SIPA1L2: variants seen among roughly 807,000 people sequenced by gnomAD.
The protein encoded by SIPA1L2 is signal induced proliferation associated 1 like 2.
A neutral mutation model predicts 163.9 loss-of-function variants in SIPA1L2; 56 were observed. The observed-to-expected ratio is 0.34, with a 90% CI of 0.28 to 0.43. The LOEUF is 0.43. SIPA1L2 is among the 20% of genes least tolerant of loss of function. The probability of loss-of-function intolerance (pLI) is 1.00; values close to 1 mark genes in which losing one functional copy is unlikely to be tolerated. For missense variants in SIPA1L2, 1,974 were observed against 2,193.5 expected, an observed-to-expected ratio of 0.90 and a Z score of 2.00; for synonymous variants, 877 against 865.7, an observed-to-expected ratio of 1.01 and a Z score of -0.23.
intron 3 of SIPA1L2, among the ~76,000 whole-genome samples, chr1:232,504,899 C>T (rs1666657302): frequency 6.6e-6 from 1 of 152,112 alleles, no homozygotes; most frequent in Non-Finnish European, 1.5e-5. Context: ...CCAGACAGTC[C>T]GGCTCTAGTG....
chr1:232,611,853 T>TA lies in SIPA1L2; in HGVS notation c.-319+18015dup, dbSNP rs376251975. 3.8e-3 allele frequency among the ~76,000 whole-genome samples: 586 copies of TA among 152,338 alleles called. 5 individuals are homozygous for TA. The highest frequency in any genetic ancestry group is 0.012 in the African/African-American group (516 of 41,572). ...GCATAAATAATGAGGAGCCAACTGT[T>TA]ATCCCCAAGACAATGGGGAAAATGT... is the stretch of plus-strand genomic sequence containing the variant. On this transcript the variant is annotated intron_variant, in intron 1 of 22. Coordinates refer to ENST00000674635, the MANE Select transcript of SIPA1L2 (RefSeq NM_020808.5).
intron 8 of SIPA1L2, among the ~76,000 whole-genome samples, chr1:232,469,855 G>A (rs1030454623): frequency 6.7e-6 from 1 of 148,732 alleles, no homozygotes; most frequent in Non-Finnish European, 1.5e-5. Context: ...ATTAAACAGA[G>A]TTGTTTAATT....
intron 1 of SIPA1L2, among the ~76,000 whole-genome samples, chr1:232,597,587 G>A (rs975836402): frequency 2.6e-5 from 4 of 151,238 alleles, no homozygotes; most frequent in Admixed American, 2.6e-4. Context: ...CTACTCAGGA[G>A]GCTGAGGCAG....
chr1:232,580,390 G>C (rs895251770), intron 1 of SIPA1L2, among the ~76,000 whole-genome samples: 3 of 152,074 alleles, frequency 2.0e-5, no homozygotes, highest in African/African-American at 4.8e-5. Context: ...TATATCTTGC[G>C]CTGACCTCCT....
intron 1 of SIPA1L2, among the ~76,000 whole-genome samples, chr1:232,625,659 G>C (rs1214301939): frequency 6.6e-5 from 10 of 152,126 alleles, no homozygotes. Context: ...TCATGTTCAC[G>C]GGTCACGTTA....
intron 2 of SIPA1L2, among the ~76,000 whole-genome samples, chr1:232,540,727 G>A (rs775372504): frequency 2.0e-5 from 3 of 152,014 alleles, no homozygotes; most frequent in Non-Finnish European, 4.4e-5. Flanking sequence ...GCAAATGCAA[G>A]AGAGAGAGAG....
chr1:232,502,065 C>T (rs1183936791), intron 3 of SIPA1L2, among the ~76,000 whole-genome samples: 1 of 152,194 alleles, frequency 6.6e-6, no homozygotes, highest in Non-Finnish European at 1.5e-5. Flanking sequence ...GTCTCAAACC[C>T]ATTTACTGTG....
chr1:232,426,552 A>C (rs534874205), intron 17 of SIPA1L2, among the ~76,000 whole-genome samples: 39 of 152,164 alleles, frequency 2.6e-4, no homozygotes, highest in African/African-American at 9.4e-4. Context: ...CCCAGCCACT[A>C]GGGAGGCTGA....
chr1:232,531,999 G>A (rs1558249530), intron 2 of SIPA1L2, among the ~76,000 whole-genome samples: 2 of 152,188 alleles, frequency 1.3e-5, no homozygotes, highest in African/African-American at 2.4e-5. Flanking sequence ...ATGGGCCACA[G>A]GAAGGATTTG....
rs1240554116 is a variant in SIPA1L2 at position 232,399,117 on chromosome 1, T to C, written c.*10A>G. 2 of 1,614,084 alleles carry C rather than the reference T, an allele frequency of 1.2e-6. No homozygotes were observed. Among genetic ancestry groups the C allele is most frequent in the Non-Finnish European group, 1.7e-6 (2 of 1,180,010 alleles). On this transcript the variant is annotated 3_prime_UTR_variant, in exon 23 of 23. Transcript: ENST00000674635. The stretch of plus-strand genomic sequence containing the variant: ...ATTTCCCAGTGGTCCCTTGATGAGG[T>C]GCGGATTGGCTAAGATTTTTTGTCG...
chr1:232,582,998 G>A (rs1272906236), intron 1 of SIPA1L2, among the ~76,000 whole-genome samples: 1 of 152,146 alleles, frequency 6.6e-6, no homozygotes, highest in East Asian at 1.9e-4. Context: ...TGAACACAAA[G>A]CGCAAATTTC....
intron 1 of SIPA1L2, among the ~76,000 whole-genome samples, chr1:232,585,232 A>G (rs1218181911): frequency 6.6e-6 from 1 of 152,168 alleles, no homozygotes; most frequent in Admixed American, 6.5e-5. Context: ...ACTTCTATCA[A>G]TTTTCTCAGC....
chr1:232,501,175 A>G (rs891094611), intron 3 of SIPA1L2, among the ~76,000 whole-genome samples: 1 of 147,024 alleles, frequency 6.8e-6, no homozygotes, highest in African/African-American at 2.5e-5. Context: ...CTCCTGCCTC[A>G]GCCTCCTGAG....
At chr1:232,572,996 G>A (rs1659884273) in intron 2 of SIPA1L2, among the ~76,000 whole-genome samples, 1 of 151,706 alleles carries the variant, frequency 6.6e-6, no homozygotes, top group Admixed American at 6.6e-5. Context: ...GGTCAGGGTG[G>A]TCTCGAACTC....
chr1:232,455,745 A>T (rs1471496047), intron 10 of SIPA1L2, among the ~76,000 whole-genome samples: 2 of 151,434 alleles, frequency 1.3e-5, no homozygotes, highest in Non-Finnish European at 2.9e-5. Context: ...AAAATTCCAT[A>T]TACACCATGG....
chr1:232,548,341 A>G (rs898746394), intron 2 of SIPA1L2, among the ~76,000 whole-genome samples: 19 of 152,154 alleles, frequency 1.2e-4, no homozygotes, highest in African/African-American at 4.6e-4. Context: ...CCTAGGGGAT[A>G]TTCTCAGACT....
At chr1:232,618,808 A>G (rs77727442) in intron 1 of SIPA1L2, among the ~76,000 whole-genome samples, 3,961 of 152,332 alleles carry the variant, frequency 0.026, 128 homozygotes, top group East Asian at 0.074. Context: ...ATATTCTGTC[A>G]ACTAACTGAA....
Position 232,403,538 on chromosome 1 carries a change from T to A in SIPA1L2, c.4850A>T (p.Asp1617Val). 1 of 1,614,024 alleles carries A rather than the reference T, an allele frequency of 6.2e-7. No individual in the cohort carries two copies. The highest frequency in any genetic ancestry group is 1.1e-5 in the South Asian group (1 of 91,044). Reference sequence around the variant, plus strand: ...TTCCAGGTCCTGCCCATGCTGCATATCTGTCAGGGTGCAGAAGGATGCCAC... The same window carrying A: ...TTCCAGGTCCTGCCCATGCTGCATAACTGTCAGGGTGCAGAAGGATGCCAC... ...QRVASFCTLT[D>V]MQHGQDLEGA... Residue 1617 changes from aspartate to valine, a missense_variant, in exon 21 of 23, where the codon GAT becomes GTT. By Grantham distance (152) the Asp-to-Val change is radical. Coordinates refer to ENST00000674635, the MANE Select transcript of SIPA1L2 (RefSeq NM_020808.5).
intron 2 of SIPA1L2, among the ~76,000 whole-genome samples, chr1:232,551,834 T>A (rs1247097466): frequency 1.3e-5 from 2 of 152,310 alleles, no homozygotes; most frequent in Non-Finnish European, 2.9e-5. Flanking sequence ...TAAGGTTATT[T>A]TTTATTTATT....
Sources: allele counts gnomAD v4.1 joint callset (sites outside exome capture counted in the v4.1 genomes callset), GRCh38; gene constraint gnomAD v4.1.1; transcripts MANE v1.5; gene names NCBI Gene and HGNC (gene_info 2026-07-23, HGNC 2026-07-21).